Variants in DNAH11 observed in about 807,000 individuals in gnomAD.
DNAH11 encodes dynein axonemal heavy chain 11, also known as axonemal beta dynein heavy chain 11.
DNAH11 carries 442 observed loss-of-function variants against 526.0 expected under a neutral mutation model. That is an observed-to-expected ratio of 0.84 (90% confidence interval 0.78 to 0.91). The LOEUF (loss-of-function observed/expected upper bound fraction) is 0.91. Ranked by LOEUF, DNAH11 falls within the 40% of genes least tolerant of loss-of-function variation. The probability of loss-of-function intolerance (pLI) is 0.00; values close to 1 mark genes in which losing one functional copy is unlikely to be tolerated. For synonymous variants in DNAH11, 2,461 were observed against 1,935.9 expected, an observed-to-expected ratio of 1.27 and a Z score of -7.12; for missense variants, 6,989 against 5,448.7, an observed-to-expected ratio of 1.28 and a Z score of -8.90.
chr7:21,754,825 A>C (rs1020999303), intron 54 of DNAH11, among the ~76,000 whole-genome samples: 2 of 152,170 alleles, frequency 1.3e-5, no homozygotes, highest in African/African-American at 4.8e-5. Flanking sequence ...ACGGTAAAAA[A>C]TGGGCAGTCT....
At chr7:21,563,006 C>G (rs1783527764) in intron 5 of DNAH11, among the ~76,000 whole-genome samples, 1 of 152,060 alleles carries the variant, frequency 6.6e-6, no homozygotes, top group South Asian at 2.1e-4. Flanking sequence ...TCCCTACTTT[C>G]ATAATAAAAT....
At chr7:21,882,058 A>C (rs1423236634) in intron 75 of DNAH11, among the ~76,000 whole-genome samples, 1 of 152,222 alleles carries the variant, frequency 6.6e-6, no homozygotes. Flanking sequence ...TAACAGTTCT[A>C]GGTAGAAAAA....
At position 21,873,330 on chromosome 7, in the gene DNAH11, C is replaced by G. The variant is rs1226839092; in HGVS notation, c.12024C>G (p.Phe4008Leu). The change falls in exon 74 of 82, where the codon TTC becomes TTG. Residue 4008 changes from phenylalanine (F) to leucine (L), a missense_variant. Transcript: ENST00000409508. ...CCTTGGAGAAGCTCCTTGAAAGATT[C>G]AGCCAAGGAAGCCACAGAGATTACA... ...LGTLEKLLERFSQGSHRDYRV... is the reference protein window; with the variant it reads ...LGTLEKLLERLSQGSHRDYRV... 1 of 1,611,086 alleles carries G rather than the reference C, an allele frequency of 6.2e-7. No individual in the cohort carries two copies. Among genetic ancestry groups the G allele is most frequent in the Non-Finnish European group, 8.5e-7 (1 of 1,178,500 alleles).
intron 65 of DNAH11, among the ~76,000 whole-genome samples, chr7:21,837,244 A>C (rs1782030595): frequency 6.6e-6 from 1 of 152,210 alleles, no homozygotes; most frequent in South Asian, 2.1e-4. Flanking sequence ...GATGTATCAA[A>C]AGGAAATGAA....
rs149322528 is a variant in DNAH11 at position 21,551,163 on chromosome 7, C to A, written c.495+6014C>A. On this transcript the variant is annotated intron_variant, in intron 2 of 81. Transcript: ENST00000409508. ...CCATCAAGAAGTACCCATTTGCCAT[C>A]TTCAGTTTGACCCCTATCCTGTCTA... 2.9e-3 allele frequency among the ~76,000 whole-genome samples: 444 copies of A among 152,256 alleles called. 2 individuals are homozygous for A. The highest frequency in any genetic ancestry group is 0.01 in the African/African-American group (419 of 41,560).
At chr7:21,728,302 G>T (rs7781041) in intron 45 of DNAH11, among the ~76,000 whole-genome samples, 1,979 of 128,188 alleles carry the variant, frequency 0.015, 49 homozygotes, top group African/African-American at 0.057. Context: ...CTGTTGCCCA[G>T]GCTGGAGTGC....
intron 44 of DNAH11, among the ~76,000 whole-genome samples, chr7:21,723,629 T>G (rs1433166295): frequency 1.3e-5 from 2 of 152,192 alleles, no homozygotes; most frequent in Non-Finnish European, 2.9e-5. Context: ...AATGGCTCCT[T>G]GTTGCCTTTA....
At chr7:21,561,247 T>G in intron 5 of DNAH11, 77 bp downstream of exon 5, 1 of 1,042,578 alleles carries the variant, frequency 9.6e-7, no homozygotes, top group South Asian at 1.4e-5. Flanking sequence ...TCGGCCTTGA[T>G]ATTTACCCTT....
At position 21,749,659 on chromosome 7, in the gene DNAH11, T is replaced by TA. The variant is rs1367313233; in HGVS notation, c.8674-19_8674-18insA. 1 of 1,613,248 alleles carries TA rather than the reference T, an allele frequency of 6.2e-7. No homozygotes were observed. Among genetic ancestry groups the TA allele is most frequent in the African/African-American group, 1.3e-5 (1 of 74,894 alleles). On this transcript the variant is annotated intron_variant, in intron 52 of 81. Transcript: ENST00000409508. ...CATCAGCATTTTAACAAAACATGAG[T>TA]GATGGCCTTTCCTTACAGGTAGATC... is the stretch of plus-strand genomic sequence containing the variant.
intron 5 of DNAH11, among the ~76,000 whole-genome samples, chr7:21,563,065 A>G (rs188528141): frequency 1.3e-5 from 2 of 152,186 alleles, no homozygotes; most frequent in Non-Finnish European, 2.9e-5. Context: ...GCAAAATGGA[A>G]TCTCATGGAG....
intron 22 of DNAH11, among the ~76,000 whole-genome samples, chr7:21,616,962 T>C (rs891100011): frequency 2.6e-5 from 4 of 152,208 alleles, no homozygotes; most frequent in Non-Finnish European, 5.9e-5. Flanking sequence ...CTACCCACTC[T>C]CGCCTGTATT....
intron 63 of DNAH11, among the ~76,000 whole-genome samples, chr7:21,813,728 G>A (rs2127999033): frequency 6.6e-6 from 1 of 152,188 alleles, no homozygotes; most frequent in South Asian, 2.1e-4. Context: ...CCACCTCATA[G>A]TAACATCCTG....
chr7:21,559,348 A>G (rs1306921178), intron 3 of DNAH11, among the ~76,000 whole-genome samples: 1 of 152,254 alleles, frequency 6.6e-6, no homozygotes. Flanking sequence ...AGTAATTGCC[A>G]TGCCAGTAAC....
rs78079945 is a variant in DNAH11, at chr7:21,822,463, T to C, written c.10691+4124T>C. 6.0e-3 allele frequency among the ~76,000 whole-genome samples: 909 copies of C among 152,218 alleles called. 5 individuals carry two copies. The highest frequency in any genetic ancestry group is 0.01 in the Non-Finnish European group (710 of 68,004). ...TTTCCCACCAGGCCCACCTCCAACA[T>C]TGATGGTCACATTTCAACATGAGAT... On this transcript the variant is annotated intron_variant, in intron 65 of 81. Transcript: ENST00000409508.
rs375442328 is a variant in DNAH11, at chr7:21,687,398, A to T, written c.5795A>T (p.Tyr1932Phe). Residue 1932 changes from tyrosine to phenylalanine, a missense_variant, in exon 34 of 82, where the codon TAT becomes TTT. Physicochemically the swap from Tyr to Phe is conservative, Grantham distance 22. Transcript: ENST00000409508. ...ATCATTTAGTCCATAGGCAATATCT[A>T]TAAGGGATTGGTGCAGACAGGAGCT... ...QMDYKSIGNIYKGLVQTGAWG... is the reference protein window; with the variant it reads ...QMDYKSIGNIFKGLVQTGAWG... 1.9e-6 allele frequency: 3 copies of T among 1,613,426 alleles called. No homozygotes were observed. The highest frequency in any genetic ancestry group is 2.5e-6 in the Non-Finnish European group (3 of 1,179,686).
intron 25 of DNAH11, among the ~76,000 whole-genome samples, chr7:21,635,370 T>G (rs566032989): frequency 6.6e-6 from 1 of 152,134 alleles, no homozygotes; most frequent in Non-Finnish European, 1.5e-5. Context: ...GTTAGCCAGG[T>G]TGGTCTCAAT....
intron 25 of DNAH11, among the ~76,000 whole-genome samples, chr7:21,633,230 A>T (rs1037655764): frequency 6.6e-6 from 1 of 152,220 alleles, no homozygotes; most frequent in African/African-American, 2.4e-5. Context: ...TCACTGGCCT[A>T]ACATATGATC....
At chr7:21,559,047 C>T in intron 3 of DNAH11, 49 bp downstream of exon 3, 1 of 1,484,830 alleles carries the variant, frequency 6.7e-7, no homozygotes, top group South Asian at 1.3e-5. Context: ...AGAGCCAGGC[C>T]AGCACGGTGG....
chr7:21,691,973 T>A (rs1378790745), intron 35 of DNAH11, among the ~76,000 whole-genome samples: 1 of 152,252 alleles, frequency 6.6e-6, no homozygotes, highest in African/African-American at 2.4e-5. Flanking sequence ...GACCTGCTTT[T>A]CAAAAGTACT....
Sources: gnomAD v4.1 joint callset for allele counts (sites outside exome capture counted in the v4.1 genomes callset) on GRCh38, gnomAD v4.1.1 for gene constraint, MANE v1.5 for transcripts, NCBI Gene and HGNC (gene_info 2026-07-23, HGNC 2026-07-21) for gene names.